Variants in NEIL3 observed in about 807,000 individuals in gnomAD.
NEIL3 encodes the protein endonuclease 8-like 3.
NEIL3 carries 48 observed loss-of-function variants against 57.5 expected under a neutral mutation model. The observed-to-expected ratio is 0.83, with a 90% CI of 0.66 to 1.06. The LOEUF (loss-of-function observed/expected upper bound fraction) is 1.06, where lower values mean the gene tolerates loss of function less well. Among genes scored for constraint, NEIL3 ranks in the 50% least tolerant of loss-of-function variants. The pLI is 0.00. For missense variants in NEIL3, 717 were observed against 739.1 expected (o/e 0.97, Z 0.35); for synonymous variants, 261 against 253.2 (o/e 1.03, Z -0.29).
chr4:177,332,762 C>G (rs1266773994), intron 2 of NEIL3, among the ~76,000 whole-genome samples: 1 of 152,160 alleles, frequency 6.6e-6, no homozygotes, highest in African/African-American at 2.4e-5. Context: ...TTGCAGTTTT[C>G]TGCTTTCCCA....
At chr4:177,363,236 A>C (rs1735646178), downstream of NEIL3, among the ~76,000 whole-genome samples, 2 of 152,220 alleles carry the variant, frequency 1.3e-5, no homozygotes, top group South Asian at 4.1e-4. Flanking sequence ...ATGCTTGTAA[A>C]AAAAAGTCCT....
At chr4:177,338,988 CAT>C (rs35147240) in intron 4 of NEIL3, among the ~76,000 whole-genome samples, 2 of 152,018 alleles carry the variant, frequency 1.3e-5, no homozygotes, top group Admixed American at 1.3e-4. Flanking sequence ...AAATAGGAAT[CAT>C]ATTTTGTCAG....
intron 2 of NEIL3, among the ~76,000 whole-genome samples, chr4:177,327,113 C>T (rs1734796650): frequency 6.6e-6 from 1 of 152,128 alleles, no homozygotes; most frequent in African/African-American, 2.4e-5. Flanking sequence ...CCTTCTCTTT[C>T]TCTTCTCTCT....
At chr4:177,339,714 A>G in intron 4 of NEIL3, 69 bp from the exon 5 acceptor site, 1 of 991,054 alleles carries the variant, frequency 1.0e-6, no homozygotes, top group Admixed American at 1.9e-5. Flanking sequence ...CAGAATTGGC[A>G]AGGCGTATTA....
chr4:177,324,009 A>G (rs1376483621), intron 2 of NEIL3, among the ~76,000 whole-genome samples: 1 of 152,200 alleles, frequency 6.6e-6, no homozygotes, highest in Non-Finnish European at 1.5e-5. Flanking sequence ...CATAACAACT[A>G]TTGGATGTAA....
chr4:177,322,666 T>G, intron 2 of NEIL3, 86 bp downstream of exon 2: 1 of 1,512,154 alleles, frequency 6.6e-7, no homozygotes, highest in South Asian at 1.1e-5. Context: ...GTGTCACATT[T>G]AATCATATAG....
In NEIL3 at chr4:177,360,554, C is replaced by T. The variant is rs1011951619; in HGVS notation, c.1512C>T (p.Ser504=). Residue 504 remains serine (S), a synonymous_variant, in exon 9 of 10, where the codon AGC becomes AGT. Coordinates refer to ENST00000264596, the MANE Select transcript of NEIL3 (RefSeq NM_018248.3). The part of the protein sequence containing the change: ...TDGPRTLNPD[S]PRCSKHNRLC... ...GCCCTCGTACCTTAAATCCTGACAG[C>T]CCTCGCTGCAGTAAACACAACCGCC... is the stretch of plus-strand genomic sequence containing the variant. 6.2e-7 allele frequency: 1 copy of T among 1,613,874 alleles called. No homozygotes were observed. The highest frequency in any genetic ancestry group is 1.7e-5 in the Admixed American group (1 of 59,982).
intron 8 of NEIL3, among the ~76,000 whole-genome samples, chr4:177,356,310 T>C (rs973405544): frequency 6.6e-6 from 1 of 152,196 alleles, no homozygotes; most frequent in East Asian, 1.9e-4. Context: ...AGTAATAGGA[T>C]CATATGATTA....
At chr4:177,348,741 G>A (rs1735282301) in intron 6 of NEIL3, among the ~76,000 whole-genome samples, 1 of 151,868 alleles carries the variant, frequency 6.6e-6, no homozygotes, top group Non-Finnish European at 1.5e-5. Context: ...GAAGTGGGAT[G>A]TGAGAAAAGG....
intron 7 of NEIL3, 59 bp downstream of exon 7, chr4:177,351,608 G>A: frequency 7.5e-7 from 1 of 1,334,088 alleles, no homozygotes; most frequent in Non-Finnish European, 1.1e-6. Context: ...ATTATACAAA[G>A]TCAGGAATAT....
At position 177,351,510 on chromosome 4, in the gene NEIL3, T is replaced by C. The variant is rs746576745; in HGVS notation, c.1000T>C (p.Ser334Pro). The change falls in exon 7 of 10, where the codon TCT becomes CCT. Residue 334 changes from serine to proline, a missense_variant. Coordinates refer to ENST00000264596, the MANE Select transcript of NEIL3 (RefSeq NM_018248.3). ...GTGTACTTTAATCAATAAGCCCTCTTCTAAGGCATGTGATGCTTGCTTGAC... is the reference window on the plus strand; with the variant it reads ...GTGTACTTTAATCAATAAGCCCTCTCCTAAGGCATGTGATGCTTGCTTGAC... ...VVCTLINKPS[S>P]KACDACLTSR... is the part of the protein sequence containing the mutation. 51 of 1,613,836 alleles carry C rather than the reference T, an allele frequency of 3.2e-5. No individual in the cohort carries two copies. The highest frequency in any genetic ancestry group is 3.8e-5 in the Non-Finnish European group (45 of 1,179,966).
intron 1 of NEIL3, among the ~76,000 whole-genome samples, chr4:177,318,776 A>T (rs914609438): frequency 6.6e-6 from 1 of 152,140 alleles, no homozygotes; most frequent in African/African-American, 2.4e-5. Flanking sequence ...ATGTTCTAAC[A>T]TACTGTGTTA....
chr4:177,336,707 A>C (rs966841089), intron 4 of NEIL3, among the ~76,000 whole-genome samples: 2 of 152,216 alleles, frequency 1.3e-5, no homozygotes, highest in Non-Finnish European at 2.9e-5. Context: ...AAGTATCCCA[A>C]CATCTAGAAC....
In NEIL3 at chr4:177,362,520, T is replaced by G. The variant is rs1735629640; in HGVS notation, c.*49T>G. ...AGTCTCTTCAAACTGTGTATAATGT[T>G]TGGTCCTCCTCTGTTTCATAGAAAA... is the stretch of plus-strand genomic sequence containing the variant. On this transcript the variant is annotated 3_prime_UTR_variant, in exon 10 of 10. Transcript: ENST00000264596. 6 of 1,388,840 alleles carry G rather than the reference T, an allele frequency of 4.3e-6. No individual in the cohort carries two copies. Among genetic ancestry groups the G allele is most frequent in the Non-Finnish European group, 5.9e-6 (6 of 1,011,084 alleles). 86.0% of individuals were successfully genotyped at this position (1,388,840 alleles called of 1,614,324 possible). A position where few individuals can be genotyped will look rare whatever the true frequency, so the allele number is the denominator to read the frequency against.
chr4:177,315,152 T>C (rs1364304302), intron 1 of NEIL3, among the ~76,000 whole-genome samples: 2 of 151,920 alleles, frequency 1.3e-5, no homozygotes, highest in African/African-American at 4.8e-5. Context: ...AAAGTAAATA[T>C]GGTATTTTCT....
intron 1 of NEIL3, among the ~76,000 whole-genome samples, chr4:177,321,705 T>C (rs534219750): frequency 3.9e-5 from 6 of 152,312 alleles, no homozygotes; most frequent in Admixed American, 1.3e-4. Context: ...AAAGGGAATA[T>C]GAGTTTATTT....
intron 2 of NEIL3, among the ~76,000 whole-genome samples, chr4:177,334,122 T>C (rs1374324213): frequency 6.6e-6 from 1 of 150,702 alleles, no homozygotes; most frequent in African/African-American, 2.5e-5. Flanking sequence ...CTTTATGTAA[T>C]ATGGGCCTAT....
chr4:177,350,068 A>G (rs1020791665), intron 6 of NEIL3, among the ~76,000 whole-genome samples: 7 of 152,352 alleles, frequency 4.6e-5, no homozygotes, highest in African/African-American at 1.7e-4. Flanking sequence ...AAGAATCCTA[A>G]TGAGATGTAT....
At chr4:177,323,032 G>A (rs1314542229) in intron 2 of NEIL3, among the ~76,000 whole-genome samples, 1 of 152,164 alleles carries the variant, frequency 6.6e-6, no homozygotes, top group Non-Finnish European at 1.5e-5. Context: ...CTTAGAGAGT[G>A]TAAAAACTTT....
Sources: gnomAD v4.1 joint callset for allele counts (sites outside exome capture counted in the v4.1 genomes callset) on GRCh38, gnomAD v4.1.1 for gene constraint, MANE v1.5 for transcripts, NCBI Gene and HGNC (gene_info 2026-07-23, HGNC 2026-07-21) for gene names.